Variants in TRUB1 observed in about 807,000 individuals in gnomAD.
TRUB1 encodes TruB pseudouridine synthase family member 1, also known as pseudouridylate synthase TRUB1.
A neutral mutation model predicts 33.9 loss-of-function variants in TRUB1; 23 were observed. That is an observed-to-expected ratio of 0.68 (90% confidence interval 0.49 to 0.96). TRUB1 has a LOEUF of 0.96. TRUB1 is among the 40% of genes least tolerant of loss of function. TRUB1 has a pLI of 0.00. For missense variants in TRUB1, 378 were observed against 422.2 expected (o/e 0.90, Z 0.92); for synonymous variants, 163 against 165.4 (o/e 0.99, Z 0.11).
chr10:114,942,464 G>T (rs1215106296), intron 1 of TRUB1, among the ~76,000 whole-genome samples, 181 bp from the exon 2 acceptor site: 1 of 152,086 alleles, frequency 6.6e-6, no homozygotes. Context: ...ATAATTTAGG[G>T]AATGTCCATT....
At position 114,951,098 on chromosome 10, in the gene TRUB1, T is replaced by C; in HGVS notation, c.390T>C (p.Val130=). Residue 130 remains valine, a synonymous_variant, in exon 3 of 8, where the codon GTT becomes GTC. Transcript: ENST00000298746. The part of the protein sequence containing the change: ...LDSAARGVLV[V]GIGSGTKMLT... ...ATTTCTTTCTTTGATTTGTAGTTGT[T>C]GGAATTGGAAGCGGAACAAAAATGT... 1.9e-6 allele frequency: 3 copies of C among 1,612,102 alleles called. No individual in the cohort carries two copies. The highest frequency in any genetic ancestry group is 1.7e-6 in the Non-Finnish European group (2 of 1,178,722).
At chr10:114,968,564 A>G (rs1286445194) in intron 4 of TRUB1, among the ~76,000 whole-genome samples, 1 of 152,180 alleles carries the variant, frequency 6.6e-6, no homozygotes, top group Non-Finnish European at 1.5e-5. Flanking sequence ...TTTTCATAGA[A>G]AAATCCTCAT....
rs148334005 is a variant in TRUB1 at position 114,975,180 on chromosome 10, C to T, written c.851C>T (p.Thr284Met). Residue 284 changes from threonine (T) to methionine (M), a missense_variant, in exon 8 of 8, where the codon ACG becomes ATG. Thr to Met is a moderately conservative substitution (Grantham distance 81). Transcript: ENST00000298746. ...ELTRTKQGPF[T>M]LEEHALPEDK... The stretch of plus-strand genomic sequence containing the variant: ...ACCCGAACCAAACAGGGACCATTTA[C>T]GCTAGAAGAACATGCCCTTCCTGAA... 3.7e-5 allele frequency: 59 copies of T among 1,613,476 alleles called. No individual in the cohort carries two copies. The African/African-American group carries it at 5.7e-4, about 16-fold the overall frequency.
chr10:114,944,495 C>T (rs918649589), intron 2 of TRUB1, among the ~76,000 whole-genome samples: 1 of 152,030 alleles, frequency 6.6e-6, no homozygotes, highest in Non-Finnish European at 1.5e-5. Flanking sequence ...CCTGTCTCTA[C>T]TAAAAATACA....
At chr10:114,953,492 G>A (rs565538794) in intron 3 of TRUB1, among the ~76,000 whole-genome samples, 1 of 151,976 alleles carries the variant, frequency 6.6e-6, no homozygotes, top group Admixed American at 6.5e-5. Context: ...TTTTTTAAAA[G>A]CACTAGAAGG....
In TRUB1 at chr10:114,972,117, C is replaced by G. The variant is rs77939637; in HGVS notation, c.597-18C>G. On this transcript the variant is annotated intron_variant, in intron 5 of 7. Coordinates refer to ENST00000298746, the MANE Select transcript of TRUB1 (RefSeq NM_139169.5). Reference sequence around the variant, plus strand: ...TTGCTCTCCTTTCCTTCCATTTCTCCTTCTCTCATCTCACAAGCTATTCTG... The same window carrying G: ...TTGCTCTCCTTTCCTTCCATTTCTCGTTCTCTCATCTCACAAGCTATTCTG... The G allele has an allele frequency of 1.3e-3, 2,031 of 1,611,124 alleles. 34 individuals are homozygous for G. The East Asian group carries it at 0.034, about 27-fold the overall frequency.
In TRUB1 at chr10:114,970,894, G is replaced by A. The variant is rs184360711; in HGVS notation, c.596+454G>A. On this transcript the variant is annotated intron_variant, in intron 5 of 7. Coordinates refer to ENST00000298746, the MANE Select transcript of TRUB1 (RefSeq NM_139169.5). ...TGCTTCACTATTCTCTGCAGCCAGC[G>A]AAACCGATGAGAGTTACAACTTATT... Among the ~76,000 whole-genome samples the A allele has an allele frequency of 2.0e-3, 308 of 152,296 alleles. 3 individuals carry two copies. The highest frequency in any genetic ancestry group is 5.1e-4 in the Non-Finnish European group (35 of 68,018).
At chr10:114,941,337 C>CT (rs34806644) in intron 1 of TRUB1, among the ~76,000 whole-genome samples, 7,516 of 147,130 alleles carry the variant, frequency 0.051, 233 homozygotes, top group African/African-American at 0.082. Flanking sequence ...TTTGCATTAT[C>CT]TTTTTTTTTT....
chr10:114,940,249 G>A (rs1286384952), intron 1 of TRUB1, among the ~76,000 whole-genome samples: 1 of 152,028 alleles, frequency 6.6e-6, no homozygotes, highest in East Asian at 1.9e-4. Context: ...AGCCTCCCAA[G>A]TAGCTGGGAT....
chr10:114,969,648 G>T (rs1323377817), intron 4 of TRUB1: 1 of 148,132 alleles, frequency 6.8e-6, no homozygotes. Context: ...TTTAAAAAAT[G>T]CTTGTTTAGT....
At position 114,948,843 on chromosome 10, in the gene TRUB1, G is replaced by A. The variant is rs7072302; in HGVS notation, c.386-2251G>A. Among the ~76,000 whole-genome samples the A allele has an allele frequency of 6.0e-3, 919 of 152,308 alleles. 10 individuals are homozygous for A. Among genetic ancestry groups the A allele is most frequent in the African/African-American group, 0.021 (880 of 41,570 alleles). ...CTGCTTCTAAGACACCCTGTGTTCA[G>A]TTGATAAACCTACTGTTCTCATCCT... On this transcript the variant is annotated intron_variant, in intron 2 of 7. Transcript: ENST00000298746.
At chr10:114,961,187 G>A (rs2084283831) in intron 4 of TRUB1, among the ~76,000 whole-genome samples, 1 of 152,094 alleles carries the variant, frequency 6.6e-6, no homozygotes, top group Non-Finnish European at 1.5e-5. Flanking sequence ...GATTGGAGGA[G>A]AATGAATTTG....
intron 4 of TRUB1, among the ~76,000 whole-genome samples, chr10:114,960,809 C>CT (rs1249720145): frequency 6.6e-6 from 1 of 152,018 alleles, no homozygotes. Context: ...AACCAGAAGA[C>CT]TTTAAGATTA....
chr10:114,967,136 T>C (rs960113785), intron 4 of TRUB1, among the ~76,000 whole-genome samples: 1 of 152,172 alleles, frequency 6.6e-6, no homozygotes, highest in African/African-American at 2.4e-5. Flanking sequence ...TGTATTTTCC[T>C]CAAATTCCAG....
At chr10:114,953,854 C>T (rs922976479) in intron 3 of TRUB1, among the ~76,000 whole-genome samples, 2 of 152,088 alleles carry the variant, frequency 1.3e-5, no homozygotes, top group African/African-American at 4.8e-5. Context: ...CTCTTTTAAA[C>T]AGCCAGATCT....
chr10:114,957,646 G>A (rs930834302), intron 3 of TRUB1, among the ~76,000 whole-genome samples: 1 of 152,152 alleles, frequency 6.6e-6, no homozygotes, highest in Non-Finnish European at 1.5e-5. Context: ...AGAGAAGAGT[G>A]GGAGTTCAAG....
intron 4 of TRUB1, among the ~76,000 whole-genome samples, chr10:114,968,855 C>T (rs2084322296): frequency 6.6e-6 from 1 of 152,106 alleles, no homozygotes; most frequent in Non-Finnish European, 1.5e-5. Flanking sequence ...TCAAAGCATA[C>T]TTGTTTTTAT....
intron 2 of TRUB1, among the ~76,000 whole-genome samples, chr10:114,944,302 A>G (rs994268614): frequency 6.6e-6 from 1 of 152,190 alleles, no homozygotes; most frequent in Non-Finnish European, 1.5e-5. Flanking sequence ...AAGCTATCCA[A>G]AGTAAATGAG....
chr10:114,969,788 G>A (rs528407151), intron 4 of TRUB1, among the ~76,000 whole-genome samples: 2 of 150,794 alleles, frequency 1.3e-5, no homozygotes, highest in South Asian at 4.2e-4. Flanking sequence ...AGGCTGGGGC[G>A]GGGGGACAGA....
Sources: allele counts gnomAD v4.1 joint callset (sites outside exome capture counted in the v4.1 genomes callset), GRCh38; gene constraint gnomAD v4.1.1; transcripts MANE v1.5; gene names NCBI Gene and HGNC (gene_info 2026-07-23, HGNC 2026-07-21).